Variants in SMARCA1 observed in about 807,000 individuals in gnomAD.
SMARCA1 encodes SNF2 related chromatin remodeling ATPase 1.
Under a neutral mutation model 93.6 loss-of-function variants are expected in SMARCA1, and 17 were observed. That is an observed-to-expected ratio of 0.18 (90% CI 0.12 to 0.27). SMARCA1 has a LOEUF of 0.27. SMARCA1 is among the 10% of genes least tolerant of loss of function. SMARCA1 has a pLI of 1.00. For synonymous variants in SMARCA1, 271 were observed against 271.4 expected, an observed-to-expected ratio of 1.00 and a Z score of 0.01; for missense variants, 630 against 819.0, an observed-to-expected ratio of 0.77 and a Z score of 2.82.
intron 20 of SMARCA1, 61 bp from the exon 21 acceptor site, chrX:129,468,966 C>G (rs752595480): frequency 8.9e-5 from 64 of 717,157 alleles, no homozygotes; most frequent in Non-Finnish European, 1.2e-4. Flanking sequence ...ATTTATTGCC[C>G]TATTTACTTC....
intron 23 of SMARCA1, among the ~76,000 whole-genome samples, chrX:129,453,842 A>G (rs1287079736): frequency 8.9e-6 from 1 of 111,979 alleles, no homozygotes; most frequent in African/African-American, 3.3e-5. Flanking sequence ...GGAAGAATCT[A>G]TATCGTGAAA....
At chrX:129,463,264 A>T (rs142435207) in intron 23 of SMARCA1, among the ~76,000 whole-genome samples, 2 of 111,790 alleles carry the variant, frequency 1.8e-5, no homozygotes, top group Admixed American at 9.5e-5. Context: ...ACATGTATAA[A>T]ACCCCAAATG....
At chrX:129,485,687 T>C (rs1398163134) in intron 17 of SMARCA1, among the ~76,000 whole-genome samples, 9 of 111,708 alleles carry the variant, frequency 8.1e-5, no homozygotes, top group Non-Finnish European at 1.1e-4. Context: ...GTTTGGGTCA[T>C]AGGGGCAGAT....
At chrX:129,468,119 A>G (rs1182998140) in intron 21 of SMARCA1, among the ~76,000 whole-genome samples, 1 of 112,854 alleles carries the variant, frequency 8.9e-6, no homozygotes, top group Non-Finnish European at 1.9e-5. Flanking sequence ...TACACGCTTC[A>G]TCTGTATCCT....
At chrX:129,447,607 A>G (rs771452010) in intron 24 of SMARCA1, among the ~76,000 whole-genome samples, 9 of 111,709 alleles carry the variant, frequency 8.1e-5, no homozygotes, top group Non-Finnish European at 1.3e-4. Flanking sequence ...ACCATATTTC[A>G]TATCTTCTAT....
intron 19 of SMARCA1, among the ~76,000 whole-genome samples, chrX:129,479,291 AACT>A (rs1933535138): frequency 9.0e-6 from 1 of 111,479 alleles, no homozygotes; most frequent in Non-Finnish European, 1.9e-5. Context: ...CTCACAAGAT[AACT>A]ACTTCATTAT....
At chrX:129,481,012 C>T in intron 18 of SMARCA1, 63 bp downstream of exon 18, 1 of 710,705 alleles carries the variant, frequency 1.4e-6, no homozygotes, top group South Asian at 2.5e-5. Flanking sequence ...AAATCTGACC[C>T]ATAGATCATG....
rs539690359 is a variant in SMARCA1, at chrX:129,515,607, G to T, written c.630+80C>A. On this transcript the variant is annotated intron_variant, in intron 5 of 24. Coordinates refer to ENST00000371121, the MANE Select transcript of SMARCA1 (RefSeq NM_001282874.2). ...TTAAAAAGCCTCCAGGCATCAGGGG[G>T]GCAGGTAAGCTCAGGTTTTTCAAAT... is the stretch of plus-strand genomic sequence containing the variant. The T allele has an allele frequency of 3.2e-5, 20 of 633,720 alleles. No homozygotes were observed. The South Asian group carries it at 4.5e-4, about 14-fold the overall frequency. The allele number at this position is 633,720 out of a possible 1,213,427, so 52.2% of individuals were successfully genotyped here. A position where few individuals can be genotyped will look rare whatever the true frequency, so the allele number is the denominator to read the frequency against.
intron 20 of SMARCA1, among the ~76,000 whole-genome samples, chrX:129,470,996 T>C (rs1192212612): frequency 8.9e-6 from 1 of 112,399 alleles, no homozygotes; most frequent in Non-Finnish European, 1.9e-5. Flanking sequence ...TGCATATACA[T>C]ACTATCCACT....
chrX:129,504,574 A>AAAAAAAAC (rs1934730368), intron 9 of SMARCA1, among the ~76,000 whole-genome samples, 160 bp downstream of exon 9: 1 of 100,506 alleles, frequency 9.9e-6, no homozygotes, highest in Non-Finnish European at 2.0e-5. Context: ...AAAAAAAAAA[A>AAAAAAAAC]AAAAAAACAA....
intron 23 of SMARCA1, among the ~76,000 whole-genome samples, chrX:129,454,521 G>A (rs968805327): frequency 8.9e-6 from 1 of 111,841 alleles, no homozygotes; most frequent in Non-Finnish European, 1.9e-5. Context: ...CAGAATGGGA[G>A]AAAATCTTTG....
intron 19 of SMARCA1, among the ~76,000 whole-genome samples, chrX:129,477,514 G>A (rs776407697): frequency 2.7e-5 from 3 of 110,502 alleles, no homozygotes; most frequent in Non-Finnish European, 3.8e-5. Context: ...CCAAGATCAC[G>A]CCACTGCACT....
intron 19 of SMARCA1, among the ~76,000 whole-genome samples, chrX:129,479,046 T>C (rs1478673128): frequency 1.8e-5 from 2 of 111,980 alleles, no homozygotes; most frequent in African/African-American, 6.5e-5. Flanking sequence ...TAAATGGAGA[T>C]GATAATAACA....
intron 10 of SMARCA1, 42 bp from the exon 11 acceptor site, chrX:129,498,113 T>C: frequency 1.3e-6 from 1 of 777,164 alleles, no homozygotes; most frequent in Non-Finnish European, 2.0e-6. Flanking sequence ...TACTAGAAAG[T>C]TAATGTCATA....
chrX:129,496,034 G>A (rs949721616), intron 12 of SMARCA1, among the ~76,000 whole-genome samples: 3 of 103,836 alleles, frequency 2.9e-5, no homozygotes, highest in Admixed American at 1.1e-4. Flanking sequence ...GAAAACAGAA[G>A]ATAAATTAGC....
intron 19 of SMARCA1, among the ~76,000 whole-genome samples, chrX:129,476,656 A>G (rs1422327527): frequency 1.8e-5 from 2 of 111,931 alleles, no homozygotes; most frequent in Admixed American, 9.5e-5. Flanking sequence ...ATCTGTGTAC[A>G]CAGAATACCA....
chrX:129,487,097 G>A lies in SMARCA1; in HGVS notation c.2138C>T (p.Ser713Phe). Residue 713 changes from serine to phenylalanine, a missense_variant, in exon 17 of 25, where the codon TCT (serine) becomes TTT (phenylalanine). By Grantham distance (155) the Ser-to-Phe change is radical (BLOSUM62 -2). Transcript: ENST00000371121. ...MNERLQKMGE[S>F]SLRNFRMDIE... ...GTCCATTCTAAAATTTCTTAGAGAAGACTCTCCCATTTTTTGCAGGCGTTC... is the reference window on the plus strand; with the variant it reads ...GTCCATTCTAAAATTTCTTAGAGAAAACTCTCCCATTTTTTGCAGGCGTTC... The A allele has an allele frequency of 8.5e-7, 1 of 1,169,801 alleles. No individual in the cohort carries two copies. The highest frequency in any genetic ancestry group is 1.2e-6 in the Non-Finnish European group (1 of 862,695).
intron 14 of SMARCA1, among the ~76,000 whole-genome samples, chrX:129,491,613 TG>T (rs1043645913): frequency 8.0e-5 from 9 of 111,931 alleles, no homozygotes; most frequent in African/African-American, 2.9e-4. Context: ...AACAAGAGAT[TG>T]TTTTTTAATC....
intron 19 of SMARCA1, among the ~76,000 whole-genome samples, chrX:129,476,658 A>G (rs1160788860): frequency 8.9e-6 from 1 of 112,048 alleles, no homozygotes; most frequent in Non-Finnish European, 1.9e-5. Context: ...CTGTGTACAC[A>G]GAATACCAGG....
Sources: gnomAD v4.1 joint callset for allele counts (sites outside exome capture counted in the v4.1 genomes callset) on GRCh38, gnomAD v4.1.1 for gene constraint, MANE v1.5 for transcripts, NCBI Gene and HGNC (gene_info 2026-07-23, HGNC 2026-07-21) for gene names.